Variants in GRM7 observed in about 807,000 individuals in gnomAD.
GRM7 encodes the protein metabotropic glutamate receptor 7.
GRM7 carries 35 observed loss-of-function variants against 84.5 expected under a neutral mutation model. The ratio of observed to expected loss-of-function variants is 0.41; its 90% CI spans 0.32 to 0.55. The LOEUF (loss-of-function observed/expected upper bound fraction) is 0.55, where lower values mean the gene tolerates loss of function less well. GRM7 is among the 20% of genes least tolerant of loss of function. The probability of loss-of-function intolerance (pLI) is 0.19; values close to 1 mark genes in which losing one functional copy is unlikely to be tolerated. For synonymous variants in GRM7, 487 were observed against 455.1 expected, an observed-to-expected ratio of 1.07 and a Z score of -0.89; for missense variants, 1,003 against 1,194.6, an observed-to-expected ratio of 0.84 and a Z score of 2.36.
At chr3:7,401,237 G>A (rs77435200) in intron 4 of GRM7, among the ~76,000 whole-genome samples, 2,482 of 152,060 alleles carry the variant, frequency 0.016, 62 homozygotes, top group African/African-American at 0.052. Flanking sequence ...CGATACTGTC[G>A]CTGACCCAGG....
intron 9 of GRM7, among the ~76,000 whole-genome samples, chr3:7,725,894 GA>G (rs35265074): frequency 5.3e-5 from 8 of 151,110 alleles, no homozygotes; most frequent in South Asian, 2.1e-4. Context: ...ATACTTTATT[GA>G]AAAAAAAATT....
intron 7 of GRM7, among the ~76,000 whole-genome samples, chr3:7,506,620 G>T (rs942536212): frequency 3.3e-5 from 5 of 152,204 alleles, no homozygotes; most frequent in East Asian, 1.9e-4. Context: ...TCTAGAGGCT[G>T]AGAAGTCTAA....
intron 6 of GRM7, among the ~76,000 whole-genome samples, chr3:7,456,450 CT>C (rs36031229): frequency 0.012 from 1,739 of 146,542 alleles, 31 homozygotes; most frequent in African/African-American, 0.037. Context: ...TTTTTTTTTC[CT>C]TTTTTTTTTT....
chr3:7,308,082 T>G (rs555316817), intron 4 of GRM7, among the ~76,000 whole-genome samples: 3 of 152,246 alleles, frequency 2.0e-5, no homozygotes, highest in African/African-American at 7.2e-5. Flanking sequence ...CAGGACACAT[T>G]AGGGAAAATA....
intron 2 of GRM7, among the ~76,000 whole-genome samples, chr3:7,266,647 G>C (rs534486128): frequency 6.6e-6 from 1 of 151,706 alleles, no homozygotes; most frequent in Admixed American, 6.6e-5. Flanking sequence ...TTTTCAACTC[G>C]GCAAAGCATT....
At chr3:7,415,689 G>A (rs571448773) in intron 5 of GRM7, among the ~76,000 whole-genome samples, 1 of 152,184 alleles carries the variant, frequency 6.6e-6, no homozygotes, top group Non-Finnish European at 1.5e-5. Context: ...TAAGTGAGAA[G>A]AAAAATCACA....
rs1282636247 is a variant in GRM7, at chr3:6,861,673, A to T, written c.285A>T (p.Leu95=). 6.2e-7 allele frequency: 1 copy of T among 1,613,972 alleles called. No homozygotes were observed. Among genetic ancestry groups the T allele is most frequent in the Admixed American group, 1.7e-5 (1 of 60,022 alleles). ...ALDQINSDPN[L]LPNVTLGARI... is the part of the protein sequence containing the mutation. ...ACCAGATCAACAGTGATCCCAACCT[A>T]CTGCCCAACGTGACGCTGGGCGCGC... is the stretch of plus-strand genomic sequence containing the variant. The change falls in exon 1 of 10, where the codon CTA becomes CTT. Residue 95 remains leucine (L), a synonymous_variant. Transcript: ENST00000357716. This position sits in a 1 kb window ranked among gnomAD's most constrained non-coding sequence, Gnocchi z 6.4.
chr3:6,945,681 A>G (rs532946677), intron 1 of GRM7, among the ~76,000 whole-genome samples: 2 of 152,276 alleles, frequency 1.3e-5, no homozygotes, highest in Non-Finnish European at 2.9e-5. Flanking sequence ...TCCCACCAAC[A>G]GTGTAAAAGT....
chr3:7,412,415 G>C (rs1053039919), intron 4 of GRM7, among the ~76,000 whole-genome samples: 1 of 152,158 alleles, frequency 6.6e-6, no homozygotes, highest in African/African-American at 2.4e-5. Flanking sequence ...CATTCTGATA[G>C]GTTTCCCTTC....
intron 4 of GRM7, among the ~76,000 whole-genome samples, chr3:7,343,536 C>T (rs1336143912): frequency 2.0e-5 from 3 of 151,806 alleles, no homozygotes; most frequent in Non-Finnish European, 4.4e-5. Context: ...TATTTGCATA[C>T]TATGGTACAA....
chr3:7,198,760 A>G (rs978186873), intron 2 of GRM7, among the ~76,000 whole-genome samples: 1 of 152,192 alleles, frequency 6.6e-6, no homozygotes, highest in Admixed American at 6.5e-5. Flanking sequence ...CAGTTTTTAC[A>G]GACTGCATAA....
intron 2 of GRM7, among the ~76,000 whole-genome samples, chr3:7,228,963 C>T (rs982662112): frequency 2.6e-5 from 4 of 152,238 alleles, no homozygotes; most frequent in Admixed American, 1.3e-4. Flanking sequence ...TAGAAATGAA[C>T]GTGTGTTTTT....
In GRM7 at chr3:7,185,323, GT is replaced by G. The variant is rs1326846858; in HGVS notation, c.736+38662del. ...CCAACGAGAGTTGAGAAGTGATGGGGTTTTTTTGGCTTTGGTTGTATTATTT... is the reference window on the plus strand; with the variant it reads ...CCAACGAGAGTTGAGAAGTGATGGGGTTTTTTGGCTTTGGTTGTATTATTT... On this transcript the variant is annotated intron_variant, in intron 2 of 9. Transcript: ENST00000357716. 1.3e-4 allele frequency among the ~76,000 whole-genome samples: 20 copies of G among 152,186 alleles called. No individual in the cohort carries two copies. In the East Asian group the frequency reaches 3.9e-3, roughly 29 times the overall value.
chr3:7,069,496 G>A (rs1037485554), intron 1 of GRM7, among the ~76,000 whole-genome samples: 2 of 152,118 alleles, frequency 1.3e-5, no homozygotes, highest in African/African-American at 2.4e-5. Flanking sequence ...ATAGAGGTTA[G>A]CTTCAACAGA....
intron 1 of GRM7, among the ~76,000 whole-genome samples, chr3:6,974,203 A>G (rs1051334806): frequency 9.2e-5 from 14 of 152,216 alleles, no homozygotes; most frequent in African/African-American, 3.1e-4. Context: ...ACTGGCATAT[A>G]TGGAAAAAGC....
At chr3:7,689,669 T>C (rs1003317986) in intron 9 of GRM7, among the ~76,000 whole-genome samples, 1 of 152,332 alleles carries the variant, frequency 6.6e-6, no homozygotes, top group African/African-American at 2.4e-5. Context: ...TGGCTACTAC[T>C]TCTCTCATTC....
Position 7,077,572 on chromosome 3 carries a change from G to A in GRM7, c.520-68880G>A, listed in dbSNP as rs1698134682. Among the ~76,000 whole-genome samples, 3 of 151,360 alleles carry A rather than the reference G, an allele frequency of 2.0e-5. 1 individual carries two copies. On this transcript the variant is annotated intron_variant, in intron 1 of 9. Transcript: ENST00000357716. The stretch of plus-strand genomic sequence containing the variant: ...GAATATCACACACTGGGGCCTGTCG[G>A]GGGGTGGGGGGCTAGGGGAGGGATA...
intron 6 of GRM7, among the ~76,000 whole-genome samples, chr3:7,460,757 G>C (rs1167991254): frequency 6.6e-6 from 1 of 152,110 alleles, no homozygotes; most frequent in African/African-American, 2.4e-5. Context: ...TTTGTACATA[G>C]TTTTCCAGTT....
At chr3:7,429,533 T>C (rs1340480591) in intron 5 of GRM7, among the ~76,000 whole-genome samples, 1 of 152,214 alleles carries the variant, frequency 6.6e-6, no homozygotes, top group Non-Finnish European at 1.5e-5. Flanking sequence ...TGAGATGCAC[T>C]TGAGAGTCTT....
Sources: gnomAD v4.1 joint callset for allele counts (sites outside exome capture counted in the v4.1 genomes callset) on GRCh38, gnomAD v4.1.1 for gene constraint, Gnocchi (gnomAD v3.1) non-coding constraint, MANE v1.5 for transcripts, NCBI Gene and HGNC (gene_info 2026-07-23, HGNC 2026-07-21) for gene names.